The following HSPD1 variants were observed in gnomAD, a reference collection of about 807,000 sequenced individuals.
HSPD1 encodes the protein 60 kDa heat shock protein, mitochondrial.
HSPD1 carries 3 observed loss-of-function variants against 53.0 expected under a neutral mutation model. That is an observed-to-expected ratio of 0.06 (90% CI 0.03 to 0.15). The LOEUF is 0.15. Ranked by LOEUF, HSPD1 falls within the 10% of genes least tolerant of loss-of-function variation. The pLI is 1.00. For synonymous variants in HSPD1, 200 were observed against 228.0 expected (o/e 0.88, Z 1.10); for missense variants, 431 against 694.1 (o/e 0.62, Z 4.26).
At chr2:197,497,565 T>G in intron 2 of HSPD1, 173 bp from the exon 3 acceptor site, 1 of 656,900 alleles carries the variant, frequency 1.5e-6, no homozygotes, top group Non-Finnish European at 2.7e-6. Context: ...ATTCTTTGTC[T>G]ACAGACAAAA....
intron 8 of HSPD1, among the ~76,000 whole-genome samples, chr2:197,489,611 G>A (rs1252597936): frequency 2.0e-5 from 3 of 152,130 alleles, no homozygotes; most frequent in Non-Finnish European, 4.4e-5. Context: ...TGTAATCCCA[G>A]GACTTTGGGA....
At chr2:197,495,163 A>T (rs1017390167) in intron 4 of HSPD1, 131 bp downstream of exon 4, 120 of 682,098 alleles carry the variant, frequency 1.8e-4, no homozygotes, top group African/African-American at 1.7e-3. Flanking sequence ...TTTTAGCAGT[A>T]AGAAACAATG....
intron 6 of HSPD1, 97 bp downstream of exon 6, chr2:197,494,060 C>T: frequency 2.9e-6 from 2 of 679,804 alleles, no homozygotes; most frequent in Admixed American, 2.2e-5. Flanking sequence ...AACGCGCCAC[C>T]ACATCATGCC....
At position 197,489,164 on chromosome 2, in the gene HSPD1, G is replaced by C. The variant is rs762528177; in HGVS notation, c.1053C>G (p.Thr351=). 6.2e-7 allele frequency: 1 copy of C among 1,613,968 alleles called. No individual in the cohort carries two copies. Among genetic ancestry groups the C allele is most frequent in the South Asian group, 1.1e-5 (1 of 91,074 alleles). Reference sequence around the variant, plus strand: ...CTTTTAAGAGCATGGCATCGTCTTTGGTCACAATGACCTCTCCAACTTTTC... The same window carrying C: ...CTTTTAAGAGCATGGCATCGTCTTTCGTCACAATGACCTCTCCAACTTTTC... The part of the protein sequence containing the change: ...DLGKVGEVIV[T]KDDAMLLKGK... The change falls in exon 9 of 12, where the codon ACC becomes ACG. Residue 351 remains threonine (T), a synonymous_variant. Coordinates refer to ENST00000388968, the MANE Select transcript of HSPD1 (RefSeq NM_002156.5).
intron 7 of HSPD1, 134 bp from the exon 8 acceptor site, chr2:197,490,430 T>A: frequency 1.5e-6 from 1 of 682,670 alleles, no homozygotes; most frequent in South Asian, 1.7e-5. Flanking sequence ...TTTGTTTTTT[T>A]TTTGCTTCCT....
At position 197,498,668 on chromosome 2, in the gene HSPD1, C is replaced by T. The variant is rs778531510; in HGVS notation, c.174+7G>A. On this transcript the variant is annotated splice_region_variant and intron_variant, in intron 2 of 11. Transcript: ENST00000388968. ...CCGTAATTACAATAAAATAAAAATACTGGTACCTTTGGCCCCATTGTAACG... is the reference window on the plus strand; with the variant it reads ...CCGTAATTACAATAAAATAAAAATATTGGTACCTTTGGCCCCATTGTAACG... 2.0e-5 allele frequency: 31 copies of T among 1,585,976 alleles called. No homozygotes were observed. In the African/African-American group the frequency reaches 2.4e-4, roughly 12 times the overall value.
chr2:197,495,389 T>C lies in HSPD1; in HGVS notation c.428-13A>G, dbSNP rs1206985234. ...GCTAACATCACACCTAGTTCAACGA[T>C]ATATGTCATTACAATGTTTATTTCT... is the stretch of plus-strand genomic sequence containing the variant. On this transcript the variant is annotated splice_polypyrimidine_tract_variant and intron_variant, in intron 3 of 11. Coordinates refer to ENST00000388968, the MANE Select transcript of HSPD1 (RefSeq NM_002156.5). The C allele has an allele frequency of 3.4e-6, 5 of 1,479,050 alleles. No individual in the cohort carries two copies. Among genetic ancestry groups the C allele is most frequent in the East Asian group, 2.3e-5 (1 of 44,262 alleles). 91.6% of individuals were successfully genotyped at this position (1,479,050 alleles called of 1,614,324 possible).
chr2:197,489,263 A>C lies in HSPD1; in HGVS notation c.970-16T>G. ...CTCCAAACACCTACAAAAAGAGTTA[A>C]ACGTAAACCTGTTGTAGGTTACAGT... On this transcript the variant is annotated splice_polypyrimidine_tract_variant and intron_variant, in intron 8 of 11. Coordinates refer to ENST00000388968, the MANE Select transcript of HSPD1 (RefSeq NM_002156.5). The C allele has an allele frequency of 6.2e-7, 1 of 1,614,004 alleles. No homozygotes were observed. The highest frequency in any genetic ancestry group is 8.5e-7 in the Non-Finnish European group (1 of 1,179,860).
intron 7 of HSPD1, among the ~76,000 whole-genome samples, chr2:197,493,025 A>G (rs1019543298): frequency 1.3e-5 from 2 of 151,862 alleles, no homozygotes; most frequent in Non-Finnish European, 2.9e-5. Context: ...AAAATACAAG[A>G]TTCAGTCATG....
In HSPD1 at chr2:197,493,376, T is replaced by C. The variant is rs1213353853; in HGVS notation, c.817A>G (p.Ile273Val). The stretch of plus-strand genomic sequence containing the variant: ...TCTCCATCAACATCTTCAGCGATTA[T>C]GACCAAAGGCTTACGGTGAGCATTG... ...IANAHRKPLV[I>V]IAEDVDGEAL... Residue 273 changes from isoleucine (I) to valine (V), a missense_variant, in exon 7 of 12, where the codon ATA becomes GTA. Ile to Val is a conservative substitution (Grantham distance 29). Transcript: ENST00000388968. 7 of 1,613,954 alleles carry C rather than the reference T, an allele frequency of 4.3e-6. No homozygotes were observed. Among genetic ancestry groups the C allele is most frequent in the South Asian group, 1.1e-5 (1 of 91,084 alleles).
Position 197,494,792 on chromosome 2 carries a change from C to G in HSPD1, c.511-40G>C, listed in dbSNP as rs201145346. 8.1e-4 allele frequency: 1,068 copies of G among 1,316,080 alleles called. 20 individuals are homozygous for G. In the South Asian group the frequency reaches 8.3e-3, roughly 10 times the overall value. 81.5% of individuals were successfully genotyped at this position (1,316,080 alleles called of 1,614,324 possible). On this transcript the variant is annotated intron_variant, in intron 4 of 11. Coordinates refer to ENST00000388968, the MANE Select transcript of HSPD1 (RefSeq NM_002156.5). ...TTACTCTTCGAAATTAAAAGGTAAG[C>G]CTAGTGTCCTCAGTCAGTTCCCTTA...
intron 2 of HSPD1, chr2:197,497,638 G>A (rs958402472): frequency 3.7e-6 from 2 of 546,336 alleles, no homozygotes; most frequent in Admixed American, 3.2e-5. Flanking sequence ...TAAAATCCTA[G>A]GGACTAAAAC....
chr2:197,500,224 G>A, upstream of HSPD1: 3 of 624,948 alleles, frequency 4.8e-6, no homozygotes, highest in East Asian at 2.8e-5. Flanking sequence ...GAGTCTTCGC[G>A]TCAGCGTCCT....
Position 197,488,358 on chromosome 2 carries a change from G to C in HSPD1, c.1349C>G (p.Ala450Gly). Reference sequence around the variant, plus strand: ...ATTAGCTGGAGTCAATGAGTCCAAGGCTGGAATGCATCGAAGGAGGGCACA... The same window carrying C: ...ATTAGCTGGAGTCAATGAGTCCAAGCCTGGAATGCATCGAAGGAGGGCACA... ...GGCALLRCIP[A>G]LDSLTPANED... Residue 450 changes from alanine (A) to glycine (G), a missense_variant, in exon 10 of 12, where the codon GCC (alanine) becomes GGC (glycine). Transcript: ENST00000388968. The C allele has an allele frequency of 6.2e-7, 1 of 1,613,886 alleles. No homozygotes were observed. The highest frequency in any genetic ancestry group is 8.5e-7 in the Non-Finnish European group (1 of 1,179,838).
chr2:197,499,072 G>A (rs1252820337), intron 1 of HSPD1: 9 of 600,038 alleles, frequency 1.5e-5, no homozygotes, highest in Admixed American at 6.0e-5. Flanking sequence ...TATAGCACCA[G>A]CACAAAGCAC....
At chr2:197,498,620 T>C (rs2086191903) in intron 2 of HSPD1, 55 bp downstream of exon 2, 2 of 1,463,032 alleles carry the variant, frequency 1.4e-6, no homozygotes, top group South Asian at 2.3e-5. Context: ...CGACTATTTG[T>C]GAGTAAAATG....
intron 9 of HSPD1, 145 bp downstream of exon 9, chr2:197,488,857 T>G: frequency 2.0e-6 from 2 of 989,646 alleles, no homozygotes; most frequent in South Asian, 2.7e-5. Flanking sequence ...GACGAAGAGC[T>G]CAAAACAAAA....
intron 7 of HSPD1, among the ~76,000 whole-genome samples, chr2:197,490,803 A>G (rs2086082307): frequency 6.6e-6 from 1 of 152,226 alleles, no homozygotes; most frequent in African/African-American, 2.4e-5. Flanking sequence ...AAAAACAGTA[A>G]TTACTAAATA....
At chr2:197,491,283 GT>G (rs1204848559) in intron 7 of HSPD1, among the ~76,000 whole-genome samples, 1 of 151,512 alleles carries the variant, frequency 6.6e-6, no homozygotes, top group Non-Finnish European at 1.5e-5. Flanking sequence ...CGCCTCCTGG[GT>G]TTACGCCATT....
Sources: gnomAD v4.1 joint callset for allele counts (sites outside exome capture counted in the v4.1 genomes callset) on GRCh38, gnomAD v4.1.1 for gene constraint, MANE v1.5 for transcripts, NCBI Gene and HGNC (gene_info 2026-07-23, HGNC 2026-07-21) for gene names.